The following LRRTM3 variants were observed in gnomAD, a reference collection of about 807,000 sequenced individuals.
LRRTM3 encodes the protein leucine-rich repeat transmembrane neuronal protein 3.
Under a neutral mutation model 44.7 loss-of-function variants are expected in LRRTM3, and 24 were observed. The observed-to-expected ratio is 0.54, with a 90% CI of 0.39 to 0.76. The LOEUF (loss-of-function observed/expected upper bound fraction) is 0.76. Among genes scored for constraint, LRRTM3 ranks in the 30% least tolerant of loss-of-function variants. The pLI is 0.00. For synonymous variants in LRRTM3, 277 were observed against 278.7 expected (o/e 0.99, Z 0.06); for missense variants, 587 against 702.2 (o/e 0.84, Z 1.85).
chr10:67,033,008 AATTATTTTACAGTACT>A (rs1853828054), intron 2 of LRRTM3, among the ~76,000 whole-genome samples: 1 of 152,170 alleles, frequency 6.6e-6, no homozygotes, highest in Non-Finnish European at 1.5e-5. Flanking sequence ...TTTTTACTTG[AATTATTTTACAGTACT>A]TTTACCAATG....
intron 2 of LRRTM3, among the ~76,000 whole-genome samples, chr10:67,034,394 C>T (rs1486017519): frequency 6.6e-6 from 1 of 152,158 alleles, no homozygotes; most frequent in Non-Finnish European, 1.5e-5. Context: ...TCTGGTTGCC[C>T]TCAAGAAGCT....
rs1031684091 is a variant in LRRTM3 at position 66,972,676 on chromosome 10, C to A, written c.1536+44224C>A. Among the ~76,000 whole-genome samples the A allele has an allele frequency of 2.1e-5, 3 of 144,306 alleles. No homozygotes were observed. The Admixed American group carries it at 2.1e-4, about 10-fold the overall frequency. The allele number at this position is 144,306 out of a possible 152,430, so 94.7% of individuals were successfully genotyped here. On this transcript the variant is annotated intron_variant, in intron 2 of 2. Transcript: ENST00000361320. The stretch of plus-strand genomic sequence containing the variant: ...TAATATTAAAAGCTTTATATAGATA[C>A]AATTTAAAGGTTCTGTCAAATAGAT...
intron 2 of LRRTM3, among the ~76,000 whole-genome samples, chr10:66,981,552 C>T (rs1850444448): frequency 6.6e-6 from 1 of 152,204 alleles, no homozygotes; most frequent in East Asian, 1.9e-4. Context: ...GGCCAACTTC[C>T]ATAGCACATT....
intron 2 of LRRTM3, among the ~76,000 whole-genome samples, chr10:66,949,199 A>G (rs1379586112): frequency 1.3e-5 from 2 of 152,234 alleles, no homozygotes; most frequent in Admixed American, 6.5e-5. Flanking sequence ...TGCCAAATCA[A>G]TAATAAATTT....
At chr10:66,963,253 G>A (rs987474469) in intron 2 of LRRTM3, among the ~76,000 whole-genome samples, 1 of 152,156 alleles carries the variant, frequency 6.6e-6, no homozygotes, top group African/African-American at 2.4e-5. Flanking sequence ...GGAAGAGCAA[G>A]CACTTTGACA....
At chr10:66,971,243 T>C (rs1429160798) in intron 2 of LRRTM3, among the ~76,000 whole-genome samples, 2 of 151,946 alleles carry the variant, frequency 1.3e-5, no homozygotes, top group Non-Finnish European at 2.9e-5. Context: ...CTGACCAACA[T>C]AGTGAAACCC....
rs147538949 is a variant in LRRTM3 at position 66,990,004 on chromosome 10, A to G, written c.1536+61552A>G. Among the ~76,000 whole-genome samples the G allele has an allele frequency of 9.8e-5, 15 of 152,312 alleles. No individual in the cohort carries two copies. In the East Asian group the frequency reaches 2.5e-3, roughly 25 times the overall value. On this transcript the variant is annotated intron_variant, in intron 2 of 2. Coordinates refer to ENST00000361320, the MANE Select transcript of LRRTM3 (RefSeq NM_178011.5). The stretch of plus-strand genomic sequence containing the variant: ...TATACACACATTTTCAGGCACATAT[A>G]TATTATACGAAGAGAAATGCAATAA...
At chr10:67,061,926 A>G (rs1312190410) in intron 2 of LRRTM3, among the ~76,000 whole-genome samples, 2 of 147,174 alleles carry the variant, frequency 1.4e-5, no homozygotes, top group African/African-American at 5.1e-5. Context: ...GTATTAGAAA[A>G]TTTATAAGAA....
rs1858106945 is a variant in LRRTM3, at chr10:67,097,875, G to T, written c.*79G>T. 1 of 1,298,738 alleles carries T rather than the reference G, an allele frequency of 7.7e-7. No homozygotes were observed. The allele number at this position is 1,298,738 out of a possible 1,614,324, so 80.5% of individuals were successfully genotyped here. A position where few individuals can be genotyped will look rare whatever the true frequency, so the allele number is the denominator to read the frequency against. On this transcript the variant is annotated 3_prime_UTR_variant, in exon 3 of 3. Transcript: ENST00000361320. ...AAATGAGGAAGATGTGTTCATTGTG[G>T]ACTCTAAAAACAAAACAAAACACAA...
At chr10:66,965,625 C>T (rs1427673840) in intron 2 of LRRTM3, among the ~76,000 whole-genome samples, 2 of 151,080 alleles carry the variant, frequency 1.3e-5, no homozygotes, top group Admixed American at 6.6e-5. Context: ...AAGACAGTTC[C>T]CAAAATGTCT....
intron 2 of LRRTM3, among the ~76,000 whole-genome samples, chr10:66,961,463 T>G (rs1232529010): frequency 1.3e-5 from 2 of 152,200 alleles, no homozygotes; most frequent in Non-Finnish European, 2.9e-5. Flanking sequence ...TGCCACTCAC[T>G]GGTGATTTTC....
chr10:66,964,958 A>G (rs2132792774), intron 2 of LRRTM3, among the ~76,000 whole-genome samples: 1 of 152,352 alleles, frequency 6.6e-6, no homozygotes, highest in Admixed American at 6.5e-5. Context: ...TAGAAAATTT[A>G]AAGCTATTAA....
intron 2 of LRRTM3, among the ~76,000 whole-genome samples, chr10:67,052,220 C>T (rs1038868132): frequency 6.6e-6 from 1 of 151,582 alleles, no homozygotes; most frequent in East Asian, 2.0e-4. Flanking sequence ...TTTTTAACTC[C>T]GAGAAAATTC....
chr10:66,950,296 A>T (rs1848474064), intron 2 of LRRTM3, among the ~76,000 whole-genome samples: 1 of 152,036 alleles, frequency 6.6e-6, no homozygotes, highest in African/African-American at 2.4e-5. Context: ...AACTTGAAGT[A>T]TATTTACTTA....
intron 2 of LRRTM3, among the ~76,000 whole-genome samples, chr10:66,988,722 G>C (rs1850869626): frequency 6.6e-6 from 1 of 152,036 alleles, no homozygotes; most frequent in African/African-American, 2.4e-5. Context: ...TGAATACTAG[G>C]AACTAAAATG....
chr10:67,082,550 C>T (rs1178908769), intron 2 of LRRTM3, among the ~76,000 whole-genome samples: 1 of 152,152 alleles, frequency 6.6e-6, no homozygotes, highest in African/African-American at 2.4e-5. Flanking sequence ...CACTTTCTTT[C>T]CTACCAAATT....
intron 2 of LRRTM3, among the ~76,000 whole-genome samples, chr10:66,980,641 C>T (rs192067049): frequency 6.3e-4 from 96 of 152,298 alleles, no homozygotes; most frequent in Non-Finnish European, 1.2e-3. Flanking sequence ...TTCTTGCAAG[C>T]CCGCAATTCT....
intron 2 of LRRTM3, among the ~76,000 whole-genome samples, chr10:66,983,489 G>T: frequency 6.6e-6 from 1 of 152,230 alleles, no homozygotes; most frequent in South Asian, 2.1e-4. Flanking sequence ...AATACAGAAG[G>T]ACTGCATTTG....
chr10:66,939,741 G>A (rs1160313523), intron 2 of LRRTM3, among the ~76,000 whole-genome samples: 4 of 152,052 alleles, frequency 2.6e-5, no homozygotes, highest in South Asian at 2.1e-4. Context: ...TGGAACATAC[G>A]TGATAAACAA....
Sources: gnomAD v4.1 joint callset for allele counts (sites outside exome capture counted in the v4.1 genomes callset) on GRCh38, gnomAD v4.1.1 for gene constraint, MANE v1.5 for transcripts, NCBI Gene and HGNC (gene_info 2026-07-23, HGNC 2026-07-21) for gene names.